Variants in MOK observed in about 807,000 individuals in gnomAD.
MOK encodes MAPK/MAK/MRK overlapping kinase.
Under a neutral mutation model 54.2 loss-of-function variants are expected in MOK, and 59 were observed. The observed-to-expected ratio is 1.09, with a 90% confidence interval of 0.88 to 1.35. MOK has a LOEUF of 1.35. MOK is among the 40% of genes most tolerant of loss of function. MOK has a pLI of 0.00. For missense variants in MOK, 517 were observed against 526.2 expected, an observed-to-expected ratio of 0.98 and a Z score of 0.17; for synonymous variants, 210 against 202.7, an observed-to-expected ratio of 1.04 and a Z score of -0.31.
downstream of MOK, among the ~76,000 whole-genome samples, chr14:102,226,873 G>C (rs376806926): frequency 1.1e-4 from 17 of 152,232 alleles, no homozygotes; most frequent in East Asian, 3.3e-3. The surrounding 1 kb of genome is among the most constrained non-coding windows in gnomAD (Gnocchi z 4.8). Flanking sequence ...CTGGTCCCCT[G>C]CTCACCTCCA....
chr14:102,217,047 ACCCCTTCC>A, the MOK span, among the ~76,000 whole-genome samples: 1 of 151,950 alleles, frequency 6.6e-6, no homozygotes, highest in South Asian at 2.1e-4. Context: ...GCTCCCTACC[ACCCCTTCC>A]AGGGTCAGTG....
At chr14:102,216,875 A>G in the MOK span, among the ~76,000 whole-genome samples, 3 of 152,088 alleles carry the variant, frequency 2.0e-5, no homozygotes, top group Non-Finnish European at 4.4e-5. Flanking sequence ...GGAGGTTGCA[A>G]TGAGTCGAGA....
chr14:102,242,733 CAAGT>C (rs1371064257), intron 7 of MOK, among the ~76,000 whole-genome samples: 1 of 152,192 alleles, frequency 6.6e-6, no homozygotes, highest in African/African-American at 2.4e-5. Flanking sequence ...ACAAGTCTTA[CAAGT>C]TAGTTCAGGA....
downstream of MOK, among the ~76,000 whole-genome samples, chr14:102,224,095 G>A (rs967684825): frequency 1.4e-5 from 2 of 144,748 alleles, no homozygotes; most frequent in East Asian, 4.1e-4. Flanking sequence ...AGGCTGGAGT[G>A]CAGTGGCGCA....
chr14:102,215,502 G>A, the MOK span, among the ~76,000 whole-genome samples: 22 of 152,206 alleles, frequency 1.4e-4, 1 homozygote, highest in Non-Finnish European at 8.8e-5. Context: ...TGTGCTGAAC[G>A]TGCAGGTTTG....
At chr14:102,264,332 TA>T (rs2067725101) in intron 3 of MOK, 1 of 150,340 alleles carries the variant, frequency 6.7e-6, no homozygotes, top group African/African-American at 2.5e-5. Flanking sequence ...AATGGGAGAG[TA>T]AAAACCAAAA....
At position 102,305,070 on chromosome 14, in the gene MOK, C is replaced by T. The variant is rs1341129031; in HGVS notation, c.-102G>A. 1.5e-6 allele frequency: 2 copies of T among 1,378,370 alleles called. No homozygotes were observed. The highest frequency in any genetic ancestry group is 1.4e-5 in the African/African-American group (1 of 70,086). 85.4% of individuals were successfully genotyped at this position (1,378,370 alleles called of 1,614,324 possible). A position where few individuals can be genotyped will look rare whatever the true frequency, so the allele number is the denominator to read the frequency against. On this transcript the variant is annotated 5_prime_UTR_variant, in exon 1 of 12. Transcript: ENST00000361847. ...CTTTCCACTTCCCTGAGGCGGGGTC[C>T]CGCACTAGGATCTCCGTGGTGGTCC...
chr14:102,229,434 C>CA, intron 11 of MOK, 23 bp downstream of exon 11: 2 of 1,614,182 alleles, frequency 1.2e-6, no homozygotes, highest in Non-Finnish European at 8.5e-7. Flanking sequence ...GCAGCGCCGT[C>CA]AGAGAAGCTG....
intron 10 of MOK, chr14:102,229,881 G>C (rs562243562): frequency 3.6e-6 from 2 of 554,592 alleles, no homozygotes; most frequent in Non-Finnish European, 3.2e-6. Flanking sequence ...GAAGAATGCC[G>C]ACTGCAAGCT....
chr14:102,238,342 A>G lies in MOK; in HGVS notation c.591-4553T>C, dbSNP rs187718436. On this transcript the variant is annotated intron_variant, in intron 7 of 11. Transcript: ENST00000361847. This position sits in a 1 kb window ranked among gnomAD's most constrained non-coding sequence, Gnocchi z 4.8. ...CACAGACTCCAAAGATGTATATCAC[A>G]TTCTTCATTCCCACGCCACCATCTG... The G allele has an allele frequency of 2.6e-5, 4 of 152,252 alleles. No individual in the cohort carries two copies. The highest frequency in any genetic ancestry group is 5.9e-5 in the Non-Finnish European group (4 of 68,068). 9.4% of individuals were successfully genotyped at this position (152,252 alleles called of 1,614,324 possible). A position where few individuals can be genotyped will look rare whatever the true frequency, so the allele number is the denominator to read the frequency against.
At chr14:102,294,539 CG>C (rs1223683018) in intron 1 of MOK, among the ~76,000 whole-genome samples, 1 of 151,762 alleles carries the variant, frequency 6.6e-6, no homozygotes, top group African/African-American at 2.4e-5. Flanking sequence ...CCTCTGAGCC[CG>C]GGAAGTCAAG....
chr14:102,222,768 C>T (rs560364372), downstream of MOK: 42 of 1,590,312 alleles, frequency 2.6e-5, no homozygotes, highest in South Asian at 1.3e-4. The surrounding 1 kb of genome is among the most constrained non-coding windows in gnomAD (Gnocchi z 4.4). Flanking sequence ...GCGGAGGGCG[C>T]GCATGGTGGC....
Position 102,240,002 on chromosome 14 carries a change from C to G in MOK, c.591-6213G>C, listed in dbSNP as rs144365414. On this transcript the variant is annotated intron_variant, in intron 7 of 11. Transcript: ENST00000361847. This position sits in a 1 kb window ranked among gnomAD's most constrained non-coding sequence, Gnocchi z 5.4. Reference sequence around the variant, plus strand: ...GCCTGCAGTATACATCCAGATGGCCCGAAGCAAGTGAAGAATCACAAAAGA... The same window carrying G: ...GCCTGCAGTATACATCCAGATGGCCGGAAGCAAGTGAAGAATCACAAAAGA... 9.0e-3 allele frequency among the ~76,000 whole-genome samples: 1,365 copies of G among 152,280 alleles called. 20 individuals carry two copies. The highest frequency in any genetic ancestry group is 0.031 in the African/African-American group (1,295 of 41,564).
downstream of MOK, among the ~76,000 whole-genome samples, chr14:102,228,055 C>A (rs544426254): frequency 6.6e-6 from 1 of 152,384 alleles, no homozygotes; most frequent in African/African-American, 2.4e-5. Context: ...TTGTGCCCAG[C>A]AGCCCGGCCA....
intron 4 of MOK, 137 bp downstream of exon 4, chr14:102,263,409 A>C: frequency 2.1e-6 from 1 of 485,928 alleles, no homozygotes; most frequent in East Asian, 3.6e-5. Context: ...CCTCCTGGTG[A>C]ATGAAGTGAC....
chr14:102,218,979 A>G, the MOK span, among the ~76,000 whole-genome samples: 2 of 152,190 alleles, frequency 1.3e-5, no homozygotes, highest in African/African-American at 2.4e-5. Context: ...AAAAGGAAGC[A>G]GAAGGACAGG....
At position 102,229,361 on chromosome 14, in the gene MOK, A is replaced by ATG. The variant is rs2064433380; in HGVS notation, c.1187_1188insCA (p.Pro397IlefsTer18). ...GGGCAGGCTTAAGGTCCTTCTGCGG[A>ATG]TCTGTCTGTCAAAGAAAAATTACAG... On this transcript the variant is annotated frameshift_variant, in exon 12 of 12. Transcript: ENST00000361847. LOFTEE classifies it low-confidence loss of function (END_TRUNC). The ATG allele has an allele frequency of 6.2e-7, 1 of 1,614,192 alleles. No individual in the cohort carries two copies. Among genetic ancestry groups the ATG allele is most frequent in the Admixed American group, 1.7e-5 (1 of 60,030 alleles).
At chr14:102,304,314 T>C (rs1405565093) in intron 1 of MOK, among the ~76,000 whole-genome samples, 2 of 152,216 alleles carry the variant, frequency 1.3e-5, no homozygotes, top group African/African-American at 4.8e-5. Context: ...TGCACTTGGA[T>C]TGTCAATAAT....
intron 7 of MOK, among the ~76,000 whole-genome samples, chr14:102,250,270 G>A (rs571566180): frequency 1.1e-4 from 16 of 152,196 alleles, no homozygotes; most frequent in South Asian, 1.0e-3. Flanking sequence ...CCCTGTGCGC[G>A]TCTTCAACTC....
Sources: gnomAD v4.1 joint callset for allele counts (sites outside exome capture counted in the v4.1 genomes callset) on GRCh38, gnomAD v4.1.1 for gene constraint, Gnocchi (gnomAD v3.1) non-coding constraint, MANE v1.5 for transcripts, NCBI Gene and HGNC (gene_info 2026-07-23, HGNC 2026-07-21) for gene names.